Variants in EYA3 observed in about 807,000 individuals in gnomAD.
EYA3 encodes the protein protein phosphatase EYA3.
Under a neutral mutation model 80.0 loss-of-function variants are expected in EYA3, and 39 were observed. That is an observed-to-expected ratio of 0.49 (90% CI 0.38 to 0.64). The LOEUF (loss-of-function observed/expected upper bound fraction) is 0.64. Ranked by LOEUF, EYA3 falls within the 30% of genes least tolerant of loss-of-function variation. The probability of loss-of-function intolerance (pLI) is 0.00; values close to 1 mark genes in which losing one functional copy is unlikely to be tolerated. For synonymous variants in EYA3, 206 were observed against 232.8 expected, an observed-to-expected ratio of 0.88 and a Z score of 1.05; for missense variants, 523 against 676.1, an observed-to-expected ratio of 0.77 and a Z score of 2.51.
rs752413666 is a variant in EYA3, at chr1:28,058,102, T to C, written c.-68-8A>G. The C allele has an allele frequency of 8.0e-7, 1 of 1,243,790 alleles. No homozygotes were observed. The highest frequency in any genetic ancestry group is 1.1e-6 in the Non-Finnish European group (1 of 888,350). The allele number at this position is 1,243,790 out of a possible 1,614,324, so 77.0% of individuals were successfully genotyped here. ...CTCAGCAGTTTTCACAATCTGTTTT[T>C]AAAAAGGAGGATTCAAAGCTTTATA... On this transcript the variant is annotated splice_polypyrimidine_tract_variant and splice_region_variant and intron_variant, in intron 1 of 17. Transcript: ENST00000373871.
chr1:28,084,574 TATATATATATATATATA>T, intron 1 of EYA3, among the ~76,000 whole-genome samples: 2 of 12,400 alleles, frequency 1.6e-4, no homozygotes. Flanking sequence ...TATATATATA[TATATATATATATATATA>T]TATATTTTTT....
At chr1:28,007,535 A>G (rs1641379393) in intron 10 of EYA3, among the ~76,000 whole-genome samples, 1 of 151,664 alleles carries the variant, frequency 6.6e-6, no homozygotes, top group African/African-American at 2.4e-5. Context: ...GGGTTTCACC[A>G]TGTTGGTCAG....
Position 28,056,991 on chromosome 1 carries a change from G to A in EYA3, c.33+1003C>T, listed in dbSNP as rs190034260. On this transcript the variant is annotated intron_variant, in intron 2 of 17. Transcript: ENST00000373871. Reference sequence around the variant, plus strand: ...CCCTACCATTTCCCTGATAATTAAAGTCCCACCAGGGATAGGGATCACACT... The same window carrying A: ...CCCTACCATTTCCCTGATAATTAAAATCCCACCAGGGATAGGGATCACACT... Among the ~76,000 whole-genome samples, 25 of 152,220 alleles carry A rather than the reference G, an allele frequency of 1.6e-4. No homozygotes were observed. In the East Asian group the frequency reaches 4.6e-3, roughly 28 times the overall value.
In EYA3 at chr1:28,017,141, G is replaced by C; in HGVS notation, c.585+13C>G. On this transcript the variant is annotated intron_variant, in intron 8 of 17. Coordinates refer to ENST00000373871, the MANE Select transcript of EYA3 (RefSeq NM_001990.4). ...AACTCTATCAAACAGGATGAACAAA[G>C]GTAGCATCATACCTGGTTTGAGATG... The C allele has an allele frequency of 6.2e-7, 1 of 1,602,662 alleles. No individual in the cohort carries two copies. The highest frequency in any genetic ancestry group is 8.5e-7 in the Non-Finnish European group (1 of 1,169,804).
chr1:27,978,136 A>C (rs987886294), intron 17 of EYA3, among the ~76,000 whole-genome samples: 10 of 152,184 alleles, frequency 6.6e-5, no homozygotes, highest in Admixed American at 5.9e-4. Flanking sequence ...GAAGGGCTTA[A>C]AGATTTTAAG....
rs201296008 is a variant in EYA3 at position 27,977,864 on chromosome 1, AG to A, written c.1641+509del. ...CTCTATCTCAAAAACAGAAAAAAAA[AG>A]AAAAAAGAAAAAAAGAAGGGGTGAC... On this transcript the variant is annotated intron_variant, in intron 17 of 17. Coordinates refer to ENST00000373871, the MANE Select transcript of EYA3 (RefSeq NM_001990.4). 1.6e-3 allele frequency among the ~76,000 whole-genome samples: 238 copies of A among 145,582 alleles called. 8 individuals are homozygous for A. Among genetic ancestry groups the A allele is most frequent in the Middle Eastern group, 7.5e-3 (2 of 268 alleles).
At chr1:28,065,564 C>T (rs1571936926) in intron 1 of EYA3, among the ~76,000 whole-genome samples, 1 of 151,778 alleles carries the variant, frequency 6.6e-6, no homozygotes, top group Non-Finnish European at 1.5e-5. Flanking sequence ...CCCAGCCCTA[C>T]CGTAGATCTT....
chr1:27,995,049 T>G (rs1640340238), intron 13 of EYA3, among the ~76,000 whole-genome samples: 1 of 152,104 alleles, frequency 6.6e-6, no homozygotes, highest in African/African-American at 2.4e-5. Flanking sequence ...ATATTTTACC[T>G]TGACAAAATA....
intron 16 of EYA3, among the ~76,000 whole-genome samples, chr1:27,985,535 A>C (rs12031542): frequency 0.35 from 53,597 of 151,568 alleles, 10,108 homozygotes; most frequent in South Asian, 0.46. Context: ...ACATTAGAGG[A>C]CCCCAGGGCG....
intron 6 of EYA3, among the ~76,000 whole-genome samples, chr1:28,029,879 G>A (rs779161061): frequency 5.3e-5 from 8 of 152,196 alleles, no homozygotes; most frequent in South Asian, 2.1e-4. Flanking sequence ...ACAGGCACAA[G>A]CCACCATGCC....
At position 28,053,153 on chromosome 1, in the gene EYA3, CAAAAAAAAA is replaced by C. The variant is rs34075939; in HGVS notation, c.34-4736_34-4728del. Among the ~76,000 whole-genome samples the C allele has an allele frequency of 7.3e-4, 53 of 72,510 alleles. 1 individual carries two copies. Among genetic ancestry groups the C allele is most frequent in the South Asian group, 6.0e-3 (10 of 1,680 alleles). 47.6% of individuals were successfully genotyped at this position (72,510 alleles called of 152,430 possible). A position where few individuals can be genotyped will look rare whatever the true frequency, so the allele number is the denominator to read the frequency against. On this transcript the variant is annotated intron_variant, in intron 2 of 17. Coordinates refer to ENST00000373871, the MANE Select transcript of EYA3 (RefSeq NM_001990.4). The stretch of plus-strand genomic sequence containing the variant: ...TGGGTGACAAAATGAGACCCCGTCT[CAAAAAAAAA>C]AAAAAAAAAAAAAAAACAGAAAAAG...
intron 16 of EYA3, 110 bp from the exon 17 acceptor site, chr1:27,978,584 A>T: frequency 1.3e-6 from 1 of 788,018 alleles, no homozygotes. Flanking sequence ...ACTAAGTGAC[A>T]GCCCATGTAG....
intron 1 of EYA3, among the ~76,000 whole-genome samples, chr1:28,061,790 G>T (rs868786586): frequency 2.0e-5 from 3 of 151,986 alleles, no homozygotes; most frequent in Admixed American, 1.3e-4. Flanking sequence ...TAGTAGAGAC[G>T]CGGTTTCACC....
At chr1:28,015,291 T>C (rs1641971447) in intron 8 of EYA3, among the ~76,000 whole-genome samples, 3 of 152,186 alleles carry the variant, frequency 2.0e-5, no homozygotes, top group Admixed American at 2.0e-4. Flanking sequence ...CTGAGTCTGG[T>C]TGAAACAAAG....
At chr1:28,017,997 C>T (rs943650087) in intron 7 of EYA3, among the ~76,000 whole-genome samples, 1 of 152,004 alleles carries the variant, frequency 6.6e-6, no homozygotes, top group East Asian at 1.9e-4. Context: ...GAGTTTGAGA[C>T]CAGCCTTGCC....
At chr1:27,994,199 T>C (rs1168481884) in intron 13 of EYA3, among the ~76,000 whole-genome samples, 1 of 152,204 alleles carries the variant, frequency 6.6e-6, no homozygotes, top group African/African-American at 2.4e-5. Context: ...TGCTCTCTCT[T>C]GGAGCACTTG....
rs12127409 is a variant in EYA3 at position 27,983,263 on chromosome 1, G to C, written c.1541-4789C>G. On this transcript the variant is annotated intron_variant, in intron 16 of 17. Transcript: ENST00000373871. ...GCCAGAGGGTAGGATTTAGCCCATG[G>C]ACTGTAATTTGCAGACCCCTGCTCT... is the stretch of plus-strand genomic sequence containing the variant. Among the ~76,000 whole-genome samples, 1,399 of 152,252 alleles carry C rather than the reference G, an allele frequency of 9.2e-3. 11 individuals carry two copies. Among genetic ancestry groups the C allele is most frequent in the African/African-American group, 0.017 (701 of 41,540 alleles).
At chr1:27,976,821 A>C (rs1182187950) in intron 17 of EYA3, among the ~76,000 whole-genome samples, 2 of 152,024 alleles carry the variant, frequency 1.3e-5, no homozygotes, top group Admixed American at 1.3e-4. Flanking sequence ...GGGTTCAAGC[A>C]ATTCTTGTGC....
intron 10 of EYA3, among the ~76,000 whole-genome samples, chr1:28,004,961 AAAG>A (rs1441366248): frequency 6.6e-6 from 1 of 152,188 alleles, no homozygotes; most frequent in Non-Finnish European, 1.5e-5. Context: ...AAGGGAAAAA[AAAG>A]AAGATTCAAA....
Sources: allele counts gnomAD v4.1 joint callset (sites outside exome capture counted in the v4.1 genomes callset), GRCh38; gene constraint gnomAD v4.1.1; transcripts MANE v1.5; gene names NCBI Gene and HGNC (gene_info 2026-07-23, HGNC 2026-07-21).